Variants in DCC observed in about 807,000 individuals in gnomAD.
DCC encodes the protein netrin receptor DCC.
DCC carries 58 observed loss-of-function variants against 172.5 expected under a neutral mutation model. The observed-to-expected ratio is 0.34, with a 90% CI of 0.27 to 0.42. The LOEUF (loss-of-function observed/expected upper bound fraction) is 0.42, where lower values mean the gene tolerates loss of function less well. Among genes scored for constraint, DCC ranks in the 10% least tolerant of loss-of-function variants. The pLI is 1.00. For synonymous variants in DCC, 709 were observed against 644.5 expected, an observed-to-expected ratio of 1.10 and a Z score of -1.52; for missense variants, 1,740 against 1,791.0, an observed-to-expected ratio of 0.97 and a Z score of 0.51.
In DCC at chr18:52,732,182, C is replaced by T. The variant is rs189132485; in HGVS notation, c.92-19872C>T. On this transcript the variant is annotated intron_variant, in intron 1 of 28. Coordinates refer to ENST00000442544, the MANE Select transcript of DCC (RefSeq NM_005215.4). ...TACTGACTCCTCCCATACATACCCA[C>T]GAAGTGATGGTATTTTGAATGGGTT... Among the ~76,000 whole-genome samples, 248 of 152,118 alleles carry T rather than the reference C, an allele frequency of 1.6e-3. 2 individuals carry two copies. The highest frequency in any genetic ancestry group is 5.7e-4 in the Non-Finnish European group (39 of 67,996).
chr18:52,380,473 C>T (rs961484165), intron 1 of DCC, among the ~76,000 whole-genome samples: 1 of 152,050 alleles, frequency 6.6e-6, no homozygotes, highest in Non-Finnish European at 1.5e-5. Context: ...CCAGATGGAA[C>T]CCCCTCACAA....
chr18:53,307,891 GTGTATGTATATATA>G (rs1464314083), intron 13 of DCC, among the ~76,000 whole-genome samples: 29 of 48,004 alleles, frequency 6.0e-4, no homozygotes, highest in African/African-American at 1.6e-3. Flanking sequence ...AGCAATGTGT[GTGTATGTATATATA>G]TATATATATA....
chr18:53,474,728 C>G (rs1411518537), intron 25 of DCC, among the ~76,000 whole-genome samples: 2 of 152,198 alleles, frequency 1.3e-5, no homozygotes, highest in African/African-American at 4.8e-5. Flanking sequence ...TTATCAGCAG[C>G]GTGAAAATGG....
chr18:52,868,343 A>G lies in DCC; in HGVS notation c.413-37701A>G, dbSNP rs551921171. Among the ~76,000 whole-genome samples, 3 of 152,266 alleles carry G rather than the reference A, an allele frequency of 2.0e-5. No individual in the cohort carries two copies. In the East Asian group the frequency reaches 5.8e-4, roughly 29 times the overall value. On this transcript the variant is annotated intron_variant, in intron 2 of 28. Coordinates refer to ENST00000442544, the MANE Select transcript of DCC (RefSeq NM_005215.4). ...GGAATCCTAATGATTTTTCCCCCAA[A>G]AAATTACTCCCAGAAGTAGGCTAAG... is the stretch of plus-strand genomic sequence containing the variant.
At chr18:53,192,080 G>A (rs1261908187) in intron 9 of DCC, among the ~76,000 whole-genome samples, 2 of 152,086 alleles carry the variant, frequency 1.3e-5, no homozygotes, top group African/African-American at 2.4e-5. Flanking sequence ...TAATCCTCAG[G>A]GTGGTTCAGT....
intron 5 of DCC, among the ~76,000 whole-genome samples, chr18:53,059,320 A>G (rs553711146): frequency 1.6e-4 from 25 of 152,280 alleles, no homozygotes; most frequent in Non-Finnish European, 3.5e-4. Context: ...GAAACAGTAA[A>G]CATTTCAGGG....
At chr18:53,450,174 C>T (rs932676463) in intron 22 of DCC, among the ~76,000 whole-genome samples, 3 of 151,068 alleles carry the variant, frequency 2.0e-5, no homozygotes, top group Non-Finnish European at 2.9e-5. Flanking sequence ...CATATGCATA[C>T]ATACATACAC....
At chr18:53,342,715 T>C (rs62098014) in intron 15 of DCC, among the ~76,000 whole-genome samples, 43,521 of 146,002 alleles carry the variant, frequency 0.3, 8,313 homozygotes, top group Non-Finnish European at 0.44. Context: ...AATATACATA[T>C]ATTAGAAATA....
intron 5 of DCC, among the ~76,000 whole-genome samples, chr18:52,968,968 C>T (rs2040979441): frequency 6.6e-6 from 1 of 152,024 alleles, no homozygotes; most frequent in African/African-American, 2.4e-5. Flanking sequence ...GTGAACCTCT[C>T]ACATTCTCTC....
chr18:52,621,744 G>A (rs559089970), intron 1 of DCC, among the ~76,000 whole-genome samples: 10 of 152,150 alleles, frequency 6.6e-5, no homozygotes, highest in Admixed American at 4.6e-4. Context: ...GTGTGAACTC[G>A]AATGTTTACA....
At chr18:53,092,586 T>G (rs1377994419) in intron 7 of DCC, among the ~76,000 whole-genome samples, 1 of 152,180 alleles carries the variant, frequency 6.6e-6, no homozygotes, top group East Asian at 1.9e-4. Flanking sequence ...AGAAGGAAAC[T>G]GAATCTATGA....
intron 7 of DCC, among the ~76,000 whole-genome samples, chr18:53,150,167 C>T (rs1462293803): frequency 6.6e-6 from 1 of 152,202 alleles, no homozygotes; most frequent in Non-Finnish European, 1.5e-5. Flanking sequence ...AAAATGTTCT[C>T]ACCCCAAACC....
chr18:53,262,968 G>T (rs2056623650), intron 12 of DCC, among the ~76,000 whole-genome samples: 1 of 152,172 alleles, frequency 6.6e-6, no homozygotes, highest in African/African-American at 2.4e-5. Context: ...AAGCATATCT[G>T]TAGATTTATT....
At chr18:53,041,603 G>A (rs1044149115) in intron 5 of DCC, among the ~76,000 whole-genome samples, 1 of 152,084 alleles carries the variant, frequency 6.6e-6, no homozygotes, top group Admixed American at 6.6e-5. Context: ...ATTACTTTGG[G>A]CAGTATGGCC....
chr18:52,825,164 T>C (rs890469461), intron 2 of DCC, among the ~76,000 whole-genome samples: 1 of 152,214 alleles, frequency 6.6e-6, no homozygotes, highest in Non-Finnish European at 1.5e-5. Context: ...AATTCATTAT[T>C]GTAATGATAT....
chr18:52,504,397 C>T lies in DCC; in HGVS notation c.91+163519C>T, dbSNP rs1023750333. On this transcript the variant is annotated intron_variant, in intron 1 of 28. Transcript: ENST00000442544. ...TAGTGACTGGCTAGTACTTCCTGTC[C>T]TTCTACCCCTCTGAGTTTCTTGAGG... Among the ~76,000 whole-genome samples, 11 of 152,232 alleles carry T rather than the reference C, an allele frequency of 7.2e-5. No individual in the cohort carries two copies. In the South Asian group the frequency reaches 8.3e-4, roughly 11 times the overall value.
intron 1 of DCC, among the ~76,000 whole-genome samples, chr18:52,571,405 A>G (rs1398316975): frequency 7.2e-6 from 1 of 139,788 alleles, no homozygotes; most frequent in African/African-American, 2.5e-5. Flanking sequence ...ACCTGTTTTT[A>G]TAGAAAGAAA....
chr18:53,500,776 T>TA (rs1235396393), intron 27 of DCC, among the ~76,000 whole-genome samples: 6 of 151,822 alleles, frequency 4.0e-5, no homozygotes, highest in African/African-American at 1.5e-4. Flanking sequence ...CCTTGACACA[T>TA]AGGCTCAGCA....
intron 12 of DCC, among the ~76,000 whole-genome samples, chr18:53,283,762 A>G (rs1407527109): frequency 6.6e-6 from 1 of 152,208 alleles, no homozygotes; most frequent in East Asian, 1.9e-4. Context: ...TCCAAAAACA[A>G]AGAACATGTG....
Sources: allele counts gnomAD v4.1 joint callset (sites outside exome capture counted in the v4.1 genomes callset), GRCh38; gene constraint gnomAD v4.1.1; transcripts MANE v1.5; gene names NCBI Gene and HGNC (gene_info 2026-07-23, HGNC 2026-07-21).